TRIM16: variants seen among roughly 807,000 people sequenced by gnomAD.
TRIM16 encodes the protein tripartite motif containing 16.
In TRIM16, 33 loss-of-function variants were observed where a neutral mutation model predicts 50.4. That is an observed-to-expected ratio of 0.65 (90% CI 0.50 to 0.88). TRIM16 has a LOEUF of 0.88. TRIM16 is among the 40% of genes least tolerant of loss of function. The pLI, the probability that TRIM16 is intolerant of heterozygous loss-of-function variation, is 0.00. For synonymous variants in TRIM16, 229 were observed against 270.7 expected (o/e 0.85, Z 1.51); for missense variants, 581 against 686.8 (o/e 0.85, Z 1.72).
intron 7 of TRIM16, among the ~76,000 whole-genome samples, chr17:15,648,729 C>T (rs1228730370): frequency 1.3e-5 from 2 of 152,206 alleles, no homozygotes; most frequent in African/African-American, 4.8e-5. Flanking sequence ...GGTACTGTGT[C>T]TTCTAGGCTG....
intron 6 of TRIM16, among the ~76,000 whole-genome samples, chr17:15,664,705 G>A (rs1047050804): frequency 3.3e-5 from 5 of 152,054 alleles, no homozygotes; most frequent in Non-Finnish European, 5.9e-5. Flanking sequence ...CAGTATCAAC[G>A]TCATGATGTG....
At chr17:15,662,063 G>C (rs1224488833) in intron 6 of TRIM16, among the ~76,000 whole-genome samples, 1 of 152,144 alleles carries the variant, frequency 6.6e-6, no homozygotes, top group Non-Finnish European at 1.5e-5. Context: ...CCAGCTCCCA[G>C]GATGGGCTCT....
rs1184650005 is a variant in TRIM16, at chr17:15,628,876, G to A, written c.1434C>T (p.Ala478=). ...SLQWNGKEFT[A]WYSDMETPLK... is the part of the protein sequence containing the mutation. The stretch of plus-strand genomic sequence containing the variant: ...GTGGGGTCTCCATGTCACTGTACCA[G>A]GCCGTGAACTCCTTCCCGTTCCATT... The change falls in exon 12 of 12, where the codon GCC becomes GCT. Residue 478 remains alanine, a synonymous_variant. Coordinates refer to ENST00000649191, the MANE Select transcript of TRIM16 (RefSeq NM_001348119.1). The A allele has an allele frequency of 1.2e-6, 2 of 1,614,104 alleles. No individual in the cohort carries two copies. Among genetic ancestry groups the A allele is most frequent in the East Asian group, 4.5e-5 (2 of 44,902 alleles).
At chr17:15,674,709 C>G (rs1173615370) in intron 6 of TRIM16, among the ~76,000 whole-genome samples, 3 of 152,202 alleles carry the variant, frequency 2.0e-5, no homozygotes, top group Non-Finnish European at 4.4e-5. Flanking sequence ...CAGCTTTCAT[C>G]TATCCTGCTC....
intron 8 of TRIM16, among the ~76,000 whole-genome samples, chr17:15,641,113 G>A (rs1987095130): frequency 6.7e-6 from 1 of 148,338 alleles, no homozygotes; most frequent in South Asian, 2.2e-4. Flanking sequence ...GATGATATTG[G>A]TGGATTGAGG....
intron 6 of TRIM16, among the ~76,000 whole-genome samples, chr17:15,676,677 C>T (rs183397236): frequency 0.017 from 2,549 of 151,962 alleles, 50 homozygotes; most frequent in Non-Finnish European, 0.028. Flanking sequence ...CCTCGTGATC[C>T]GCCCGCCTCG....
At chr17:15,638,844 T>C (rs1986979488) in intron 8 of TRIM16, among the ~76,000 whole-genome samples, 1 of 144,270 alleles carries the variant, frequency 6.9e-6, no homozygotes, top group Admixed American at 6.8e-5. Context: ...GAAGAAAAAA[T>C]GATGACACCA....
At chr17:15,664,307 A>T (rs144234330) in intron 6 of TRIM16, among the ~76,000 whole-genome samples, 1 of 152,208 alleles carries the variant, frequency 6.6e-6, no homozygotes, top group Non-Finnish European at 1.5e-5. Flanking sequence ...AAGCTGAAAA[A>T]GTATGAATCT....
chr17:15,651,703 T>A lies in TRIM16; in HGVS notation c.-94A>T, dbSNP rs191354544. On this transcript the variant is annotated 5_prime_UTR_variant, in exon 7 of 12. Transcript: ENST00000649191. ...GACAAGAGAACCACGCCTAGATGAT[T>A]GCAGCTGCTGCAAGATTTTAACTGT... 41 of 1,543,222 alleles carry A rather than the reference T, an allele frequency of 2.7e-5. No homozygotes were observed. The African/African-American group carries it at 5.6e-4, about 21-fold the overall frequency.
intron 8 of TRIM16, among the ~76,000 whole-genome samples, chr17:15,637,410 T>C (rs1166751780): frequency 1.9e-3 from 98 of 51,108 alleles, no homozygotes; most frequent in Admixed American, 2.8e-3. Flanking sequence ...GGGTCAGCCC[T>C]CCGCCCGGCC....
rs757565737 is a variant in TRIM16 at position 15,628,680 on chromosome 17, G to A, written c.1630C>T (p.Arg544Trp). ...GGTTCCTCTCCCAGATCTACAATCCGGATGGCGTTTTCCTTCTTGGAAAGC... is the reference window on the plus strand; with the variant it reads ...GGTTCCTCTCCCAGATCTACAATCCAGATGGCGTTTTCCTTCTTGGAAAGC... ...FWLSKKENAIRIVDLGEEPEK... is the reference protein window; with the variant it reads ...FWLSKKENAIWIVDLGEEPEK... Residue 544 changes from arginine to tryptophan, a missense_variant, in exon 12 of 12, where the codon CGG becomes TGG. Physicochemically the swap from Arg to Trp is moderately radical, Grantham distance 101. This residue lies in a region of TRIM16 where 16 missense variants were observed against 35.8 expected (regional missense o/e 0.45). Coordinates refer to ENST00000649191, the MANE Select transcript of TRIM16 (RefSeq NM_001348119.1). 8.1e-6 allele frequency: 13 copies of A among 1,614,008 alleles called. No individual in the cohort carries two copies. Among genetic ancestry groups the A allele is most frequent in the African/African-American group, 6.7e-5 (5 of 74,902 alleles).
chr17:15,679,670 G>A (rs1226152007), intron 4 of TRIM16, among the ~76,000 whole-genome samples: 1 of 152,218 alleles, frequency 6.6e-6, no homozygotes, highest in African/African-American at 2.4e-5. Flanking sequence ...GGGCGTGGTG[G>A]CTCACGCCTG....
chr17:15,630,638 A>T (rs1311346667), intron 11 of TRIM16, among the ~76,000 whole-genome samples: 1 of 152,018 alleles, frequency 6.6e-6, no homozygotes, highest in Non-Finnish European at 1.5e-5. Context: ...GCAAGGCTCC[A>T]TCTCTACAAT....
At chr17:15,669,523 T>C (rs1025021077) in intron 6 of TRIM16, among the ~76,000 whole-genome samples, 1 of 152,102 alleles carries the variant, frequency 6.6e-6, no homozygotes, top group South Asian at 2.1e-4. Flanking sequence ...TTCTAAAGGG[T>C]AGGATTTCAA....
At chr17:15,646,167 GAA>G (rs1987368912) in intron 7 of TRIM16, among the ~76,000 whole-genome samples, 1 of 152,164 alleles carries the variant, frequency 6.6e-6, no homozygotes, top group South Asian at 2.1e-4. Context: ...TAAAAGGAGA[GAA>G]AAGGACTCCT....
chr17:15,628,907 C>G lies in TRIM16; in HGVS notation c.1403G>C (p.Ser468Thr), dbSNP rs150021866. The G allele has an allele frequency of 1.1e-5, 17 of 1,614,132 alleles. No homozygotes were observed. Among genetic ancestry groups the G allele is most frequent in the Non-Finnish European group, 1.4e-5 (16 of 1,180,062 alleles). Reference protein sequence around the residue: ...SCISGNNFSWSLQWNGKEFTA... With the variant: ...SCISGNNFSWTLQWNGKEFTA... The stretch of plus-strand genomic sequence containing the variant: ...GAACTCCTTCCCGTTCCATTGGAGG[C>G]TCCAGGAGAAGTTGTTTCCGGAAAT... The change falls in exon 12 of 12, where the codon AGC (serine) becomes ACC (threonine). Residue 468 changes from serine to threonine, a missense_variant. Transcript: ENST00000649191.
intron 7 of TRIM16, among the ~76,000 whole-genome samples, chr17:15,645,678 T>C (rs1473065858): frequency 3.9e-5 from 6 of 152,368 alleles, no homozygotes; most frequent in Admixed American, 3.9e-4. Context: ...TGTCTCTCCA[T>C]TCTCCACTGA....
intron 6 of TRIM16, among the ~76,000 whole-genome samples, chr17:15,669,841 G>A (rs1291908544): frequency 2.0e-5 from 3 of 152,280 alleles, no homozygotes; most frequent in Non-Finnish European, 4.4e-5. Context: ...GGGCTGTCCC[G>A]TGCATTGTAG....
chr17:15,653,546 C>T (rs1436959309), intron 6 of TRIM16, among the ~76,000 whole-genome samples: 6 of 152,186 alleles, frequency 3.9e-5, no homozygotes, highest in African/African-American at 9.7e-5. Flanking sequence ...TTGCAGATGG[C>T]TTCTCCTATG....
Sources: allele counts gnomAD v4.1 joint callset (sites outside exome capture counted in the v4.1 genomes callset), GRCh38; gene constraint gnomAD v4.1.1; regional missense constraint gnomAD v4.1.1; transcripts MANE v1.5; gene names NCBI Gene and HGNC (gene_info 2026-07-23, HGNC 2026-07-21).